The following ZBTB44 variants were observed in gnomAD, a reference collection of about 807,000 sequenced individuals.
ZBTB44 encodes zinc finger and BTB domain-containing protein 44.
A neutral mutation model predicts 54.0 loss-of-function variants in ZBTB44; 15 were observed. The ratio of observed to expected loss-of-function variants is 0.28; its 90% CI spans 0.19 to 0.43. ZBTB44 has a LOEUF of 0.43. Among genes scored for constraint, ZBTB44 ranks in the 20% least tolerant of loss-of-function variants. The pLI, the probability that ZBTB44 is intolerant of heterozygous loss-of-function variation, is 1.00. For synonymous variants in ZBTB44, 230 were observed against 250.1 expected (o/e 0.92, Z 0.76); for missense variants, 487 against 707.1 (o/e 0.69, Z 3.53).
intron 1 of ZBTB44, among the ~76,000 whole-genome samples, chr11:130,272,537 T>G (rs969206777): frequency 5.3e-5 from 8 of 152,242 alleles, no homozygotes; most frequent in African/African-American, 1.9e-4. Flanking sequence ...TTTTCTCTCA[T>G]TCTGTGGGTT....
At chr11:130,239,478 A>G (rs1954259433) in intron 3 of ZBTB44, 2 of 246,304 alleles carry the variant, frequency 8.1e-6, no homozygotes, top group Admixed American at 5.1e-5. Context: ...TCCACAAACA[A>G]TATGTCAGCA....
intron 2 of ZBTB44, among the ~76,000 whole-genome samples, chr11:130,252,521 T>G (rs1421338660): frequency 6.6e-6 from 1 of 152,154 alleles, no homozygotes; most frequent in African/African-American, 2.4e-5. Flanking sequence ...ACCACATAAT[T>G]GGAAGTAAAA....
At chr11:130,279,154 C>T (rs1940326879) in intron 1 of ZBTB44, among the ~76,000 whole-genome samples, 1 of 151,752 alleles carries the variant, frequency 6.6e-6, no homozygotes, top group Non-Finnish European at 1.5e-5. Context: ...AGTCTATTTC[C>T]CCACTTCCCC....
At position 130,236,899 on chromosome 11, in the gene ZBTB44, C is replaced by T. The variant is rs748794819; in HGVS notation, c.1462G>A (p.Glu488Lys). 12 of 1,577,498 alleles carry T rather than the reference C, an allele frequency of 7.6e-6. No individual in the cohort carries two copies. Among genetic ancestry groups the T allele is most frequent in the Non-Finnish European group, 1.0e-5 (12 of 1,163,364 alleles). ...RHIIRKPRIY[E>K]CKTCGAMFTN... is the part of the protein sequence containing the mutation. ...AACATGGCGCCACATGTTTTGCACT[C>T]GTAAATCCGAGGCTTGCGGATAATG... The change falls in exon 5 of 8, where the codon GAG becomes AAG. Residue 488 changes from glutamate to lysine, a missense_variant. Glu to Lys is a moderately conservative substitution (Grantham distance 56, BLOSUM62 1). Coordinates refer to ENST00000357899, the MANE Select transcript of ZBTB44 (RefSeq NM_001301098.2).
intron 2 of ZBTB44, among the ~76,000 whole-genome samples, chr11:130,251,026 G>A (rs1278383846): frequency 6.6e-6 from 1 of 152,182 alleles, no homozygotes; most frequent in Non-Finnish European, 1.5e-5. Flanking sequence ...CTCACCCAAT[G>A]CAAGGAAGCT....
At chr11:130,263,621 A>G (rs1939037380) in intron 1 of ZBTB44, among the ~76,000 whole-genome samples, 1 of 152,240 alleles carries the variant, frequency 6.6e-6, no homozygotes, top group Non-Finnish European at 1.5e-5. Flanking sequence ...AACCATTTCC[A>G]TCTTGAATAG....
intron 2 of ZBTB44, among the ~76,000 whole-genome samples, chr11:130,240,177 G>A (rs1244235762): frequency 1.3e-5 from 2 of 151,962 alleles, no homozygotes; most frequent in African/African-American, 4.8e-5. Context: ...GAGTAGCTGG[G>A]ACTACGGGCG....
In ZBTB44 at chr11:130,229,437, C is replaced by T. The variant is rs1953795895; in HGVS notation, c.*2327G>A. 6.6e-6 allele frequency: 1 copy of T among 152,088 alleles called. No homozygotes were observed. Among genetic ancestry groups the T allele is most frequent in the South Asian group, 2.1e-4 (1 of 4,828 alleles). 9.4% of individuals were successfully genotyped at this position (152,088 alleles called of 1,614,324 possible). On this transcript the variant is annotated 3_prime_UTR_variant, in exon 8 of 8. Transcript: ENST00000357899. ...AGTTGAGCCTGGGATTGAATCAATT[C>T]CACTTTATTGTTTAATCTGAACCAT... is the stretch of plus-strand genomic sequence containing the variant.
chr11:130,287,898 T>C (rs1206989468), intron 1 of ZBTB44, among the ~76,000 whole-genome samples: 1 of 151,312 alleles, frequency 6.6e-6, no homozygotes, highest in African/African-American at 2.4e-5. Flanking sequence ...ATTTAAAAAA[T>C]TATTCACCTA....
At chr11:130,305,815 C>A (rs1942235363) in intron 1 of ZBTB44, among the ~76,000 whole-genome samples, 1 of 152,020 alleles carries the variant, frequency 6.6e-6, no homozygotes, top group Non-Finnish European at 1.5e-5. Flanking sequence ...AGAGACAACC[C>A]AAAGTGGTAG....
chr11:130,232,427 G>A (rs1953909934), intron 7 of ZBTB44: 1 of 152,144 alleles, frequency 6.6e-6, no homozygotes, highest in Admixed American at 6.5e-5. Context: ...GTATACCCAA[G>A]TCTAGAGGAT....
chr11:130,300,658 T>C (rs1030015416), intron 1 of ZBTB44, among the ~76,000 whole-genome samples: 2 of 151,634 alleles, frequency 1.3e-5, no homozygotes, highest in Non-Finnish European at 2.9e-5. Context: ...TTTCAAGGAG[T>C]GGTGATTGAC....
At position 130,234,259 on chromosome 11, in the gene ZBTB44, G is replaced by A. The variant is rs200127900; in HGVS notation, c.1583C>T (p.Pro528Leu). The A allele has an allele frequency of 5.2e-5, 80 of 1,533,184 alleles. No homozygotes were observed. The highest frequency in any genetic ancestry group is 6.5e-5 in the Admixed American group (3 of 45,810). 95.0% of individuals were successfully genotyped at this position (1,533,184 alleles called of 1,614,324 possible). A position where few individuals can be genotyped will look rare whatever the true frequency, so the allele number is the denominator to read the frequency against. ...TTCTTGTTCCTGGTTTAAGTAGTCC[G>A]GTACTAGGAAATCACTAGATAAGAG... ...NYFQSSDFLV[P>L]DYLNQEQEET... The change falls in exon 6 of 8, where the codon CCG becomes CTG. Residue 528 changes from proline to leucine, a missense_variant. Coordinates refer to ENST00000357899, the MANE Select transcript of ZBTB44 (RefSeq NM_001301098.2).
chr11:130,233,184 G>C (rs1180958621), intron 7 of ZBTB44, 124 bp downstream of exon 7: 4 of 1,312,870 alleles, frequency 3.0e-6, no homozygotes, highest in Non-Finnish European at 4.1e-6. Context: ...ATATTGATGG[G>C]GCAGGGGGAA....
chr11:130,311,855 T>C (rs765543771), intron 1 of ZBTB44, among the ~76,000 whole-genome samples: 16 of 152,092 alleles, frequency 1.1e-4, no homozygotes, highest in African/African-American at 2.9e-4. Flanking sequence ...CCAAGATTAA[T>C]GGGGAGCAGG....
In ZBTB44 at chr11:130,240,340, G is replaced by A. The variant is rs146702411; in HGVS notation, c.1019-444C>T. ...CAGGCGTGAGCCACCGCACCCAGCC[G>A]TGTTCTATATTTTTAAATGTTTGTG... On this transcript the variant is annotated intron_variant, in intron 2 of 7. Coordinates refer to ENST00000357899, the MANE Select transcript of ZBTB44 (RefSeq NM_001301098.2). Among the ~76,000 whole-genome samples the A allele has an allele frequency of 9.0e-3, 1,367 of 151,848 alleles. 23 individuals carry two copies. Among genetic ancestry groups the A allele is most frequent in the African/African-American group, 0.03 (1,234 of 41,422 alleles).
chr11:130,251,588 CG>C (rs1163551917), intron 2 of ZBTB44, among the ~76,000 whole-genome samples: 2 of 152,090 alleles, frequency 1.3e-5, no homozygotes, highest in African/African-American at 4.8e-5. Context: ...AGACTAACAG[CG>C]GATCTCTCTA....
intron 1 of ZBTB44, among the ~76,000 whole-genome samples, chr11:130,274,689 T>G (rs187004368): frequency 1.3e-5 from 2 of 152,348 alleles, no homozygotes; most frequent in Admixed American, 6.5e-5. Flanking sequence ...CTTGGCAACC[T>G]GGAAAAAATC....
At chr11:130,281,128 C>A (rs1443517373) in intron 1 of ZBTB44, among the ~76,000 whole-genome samples, 1 of 152,102 alleles carries the variant, frequency 6.6e-6, no homozygotes, top group East Asian at 1.9e-4. Flanking sequence ...TGGAATGCAG[C>A]TAAAGTAGTG....
Sources: gnomAD v4.1 joint callset for allele counts (sites outside exome capture counted in the v4.1 genomes callset) on GRCh38, gnomAD v4.1.1 for gene constraint, MANE v1.5 for transcripts, NCBI Gene and HGNC (gene_info 2026-07-23, HGNC 2026-07-21) for gene names.